The following CBL variants were observed in gnomAD, a reference collection of about 807,000 sequenced individuals.
CBL encodes the protein Cbl proto-oncogene.
Under a neutral mutation model 96.9 loss-of-function variants are expected in CBL, and 45 were observed. That is an observed-to-expected ratio of 0.46 (90% CI 0.37 to 0.60). The LOEUF is 0.60. Among genes scored for constraint, CBL ranks in the 20% least tolerant of loss-of-function variants. CBL has a pLI of 0.00. For synonymous variants in CBL, 420 were observed against 426.8 expected (o/e 0.98, Z 0.20); for missense variants, 1,024 against 1,143.5 (o/e 0.90, Z 1.51).
intron 1 of CBL, among the ~76,000 whole-genome samples, chr11:119,218,004 G>T (rs1280422308): frequency 2.6e-5 from 4 of 152,162 alleles, no homozygotes. Context: ...CCAGGAGTTT[G>T]AGGCTGCAGT....
intron 2 of CBL, among the ~76,000 whole-genome samples, chr11:119,259,033 T>C (rs1454062370): frequency 6.6e-6 from 1 of 152,204 alleles, no homozygotes; most frequent in Non-Finnish European, 1.5e-5. Flanking sequence ...ATGTGTTGTT[T>C]TCTTTCAGCT....
At chr11:119,272,563 T>C (rs547479044) in intron 3 of CBL, among the ~76,000 whole-genome samples, 63 of 152,352 alleles carry the variant, frequency 4.1e-4, no homozygotes, top group East Asian at 1.5e-3. Context: ...TTTACATCTT[T>C]TGCTTTGCTA....
rs112783659 is a variant in CBL, at chr11:119,244,436, G to A, written c.443+11741G>A. ...TTTTTAATTAATTTTTTTTTTTTTTGAGATAAGGTCTCACTCTGCCGTGCA... is the reference window on the plus strand; with the variant it reads ...TTTTTAATTAATTTTTTTTTTTTTTAAGATAAGGTCTCACTCTGCCGTGCA... On this transcript the variant is annotated intron_variant, in intron 2 of 15. Coordinates refer to ENST00000264033, the MANE Select transcript of CBL (RefSeq NM_005188.4). Among the ~76,000 whole-genome samples, 828 of 136,654 alleles carry A rather than the reference G, an allele frequency of 6.1e-3. 5 individuals are homozygous for A. The highest frequency in any genetic ancestry group is 0.016 in the Admixed American group (218 of 13,566). The allele number at this position is 136,654 out of a possible 152,430, so 89.7% of individuals were successfully genotyped here. A position where few individuals can be genotyped will look rare whatever the true frequency, so the allele number is the denominator to read the frequency against.
At chr11:119,266,246 T>A (rs969521674) in intron 2 of CBL, among the ~76,000 whole-genome samples, 2 of 152,094 alleles carry the variant, frequency 1.3e-5, no homozygotes, top group Admixed American at 1.3e-4. Flanking sequence ...AAGTACCTTA[T>A]GAGCAAGAGT....
chr11:119,220,415 C>T (rs1258248904), intron 1 of CBL, among the ~76,000 whole-genome samples: 1 of 152,076 alleles, frequency 6.6e-6, no homozygotes, highest in African/African-American at 2.4e-5. Context: ...TTAAGACCAG[C>T]CTGGATAACA....
chr11:119,286,223 C>T (rs1949983618), intron 11 of CBL, among the ~76,000 whole-genome samples: 2 of 152,050 alleles, frequency 1.3e-5, no homozygotes, highest in African/African-American at 4.8e-5. Flanking sequence ...TCATTTGAAC[C>T]TGGAGGCAGA....
At position 119,278,556 on chromosome 11, in the gene CBL, G is replaced by A. The variant is rs1949908282; in HGVS notation, c.1274G>A (p.Gly425Asp). 4 of 1,614,148 alleles carry A rather than the reference G, an allele frequency of 2.5e-6. No homozygotes were observed. Among genetic ancestry groups the A allele is most frequent in the Non-Finnish European group, 3.4e-6 (4 of 1,180,014 alleles). The change falls in exon 9 of 16, where the codon GGT becomes GAT. Residue 425 changes from glycine (G) to aspartate (D), a missense_variant. By Grantham distance (94) the Gly-to-Asp change is moderately conservative. Transcript: ENST00000264033. ...GCPFCRCEIKGTEPIVVDPFD... is the reference protein window; with the variant it reads ...GCPFCRCEIKDTEPIVVDPFD... ...CCTTTCTGCCGATGTGAAATTAAAG[G>A]TACTGAACCCATCGTGGTAGATCCG...
chr11:119,228,798 TTCTC>T (rs200646426), intron 1 of CBL, among the ~76,000 whole-genome samples: 89 of 147,884 alleles, frequency 6.0e-4, no homozygotes, highest in Middle Eastern at 3.4e-3. Context: ...AGCTAATTCC[TTCTC>T]TCTCTCTCTC....
rs187952822 is a variant in CBL, at chr11:119,285,378, C to T, written c.1753C>T (p.Arg585Cys). 4.8e-5 allele frequency: 78 copies of T among 1,614,178 alleles called. No homozygotes were observed. The highest frequency in any genetic ancestry group is 1.8e-4 in the Admixed American group (11 of 60,022). ...RDKLPPVPSS[R>C]LGDSWLPRPI... is the part of the protein sequence containing the mutation. ...CAAACTGCCCCCTGTCCCCTCTAGCCGCCTTGGAGACTCATGGCTGCCCCG... is the reference window on the plus strand; with the variant it reads ...CAAACTGCCCCCTGTCCCCTCTAGCTGCCTTGGAGACTCATGGCTGCCCCG... The change falls in exon 11 of 16, where the codon CGC becomes TGC. Residue 585 changes from arginine (R) to cysteine (C), a missense_variant. Transcript: ENST00000264033.
At chr11:119,280,240 G>A (rs1323435318) in intron 9 of CBL, among the ~76,000 whole-genome samples, 2 of 152,192 alleles carry the variant, frequency 1.3e-5, no homozygotes, top group Non-Finnish European at 2.9e-5. Context: ...AAGGGAGTGT[G>A]TATTTCAACT....
At position 119,296,923 on chromosome 11, in the gene CBL, T is replaced by A. The variant is rs374270823; in HGVS notation, c.2042T>A (p.Leu681His). ...NAIYSLAARP[L>H]PVPKLPPGEQ... ...TTTTATTCTTCATCTTCCAGACCTC[T>A]TCCTGTGCCAAAACTGCCACCTGGG... Residue 681 changes from leucine to histidine, a missense_variant, in exon 13 of 16, where the codon CTT becomes CAT. By Grantham distance (99) the Leu-to-His change is moderately conservative. This residue lies in a region of CBL where 695 missense variants were observed against 661.6 expected (regional missense o/e 1.05). Transcript: ENST00000264033. 1 of 1,557,344 alleles carries A rather than the reference T, an allele frequency of 6.4e-7. No homozygotes were observed. Among genetic ancestry groups the A allele is most frequent in the Non-Finnish European group, 8.9e-7 (1 of 1,128,294 alleles).
intron 2 of CBL, among the ~76,000 whole-genome samples, chr11:119,265,404 A>G (rs1002585068): frequency 1.3e-5 from 2 of 152,206 alleles, no homozygotes; most frequent in Non-Finnish European, 2.9e-5. Context: ...AGTTTAGTAG[A>G]TTACTTTTTC....
chr11:119,274,098 T>TTA, intron 4 of CBL, 74 bp downstream of exon 4: 1 of 1,000,950 alleles, frequency 1.0e-6, no homozygotes, highest in Non-Finnish European at 1.5e-6. Context: ...TTTTTTTTTT[T>TTA]AAATAACATT....
chr11:119,228,502 A>G (rs910822066), intron 1 of CBL, among the ~76,000 whole-genome samples: 1 of 151,812 alleles, frequency 6.6e-6, no homozygotes, highest in Admixed American at 6.6e-5. Context: ...GCTACTTGGG[A>G]GGCTGAGCCA....
intron 6 of CBL, among the ~76,000 whole-genome samples, chr11:119,277,267 A>ACACACACACACACG (rs1261530021): frequency 6.6e-6 from 1 of 151,842 alleles, no homozygotes; most frequent in Non-Finnish European, 1.5e-5. Context: ...ACACACACAC[A>ACACACACACACACG]CACATAAAGA....
intron 2 of CBL, among the ~76,000 whole-genome samples, chr11:119,266,647 A>G (rs1264653851): frequency 6.6e-6 from 1 of 152,222 alleles, no homozygotes; most frequent in African/African-American, 2.4e-5. Flanking sequence ...AAGATACTGC[A>G]TACAGAATCA....
intron 2 of CBL, among the ~76,000 whole-genome samples, chr11:119,249,551 C>CA (rs11378996): frequency 0.49 from 56,814 of 115,992 alleles, 12,778 homozygotes; most frequent in East Asian, 0.67. Context: ...GACTCGGTCT[C>CA]AAAAAAAAAA....
chr11:119,288,994 C>T (rs919150975), intron 12 of CBL, among the ~76,000 whole-genome samples: 1 of 152,102 alleles, frequency 6.6e-6, no homozygotes, highest in Non-Finnish European at 1.5e-5. Flanking sequence ...TTATGAGTTA[C>T]TCATATGTTG....
chr11:119,209,346 C>G (rs1357212575), intron 1 of CBL, among the ~76,000 whole-genome samples: 1 of 152,124 alleles, frequency 6.6e-6, no homozygotes, highest in African/African-American at 2.4e-5. Flanking sequence ...GGCCGGGCCC[C>G]GTGGCTCACG....
Sources: allele counts gnomAD v4.1 joint callset (sites outside exome capture counted in the v4.1 genomes callset), GRCh38; gene constraint gnomAD v4.1.1; regional missense constraint gnomAD v4.1.1; transcripts MANE v1.5; gene names NCBI Gene and HGNC (gene_info 2026-07-23, HGNC 2026-07-21).